The following ACAP2 variants were observed in gnomAD, a reference collection of about 807,000 sequenced individuals.
ACAP2 encodes the protein ArfGAP with coiled-coil, ankyrin repeat and PH domains 2.
Under a neutral mutation model 115.8 loss-of-function variants are expected in ACAP2, and 39 were observed. That is an observed-to-expected ratio of 0.34 (90% confidence interval 0.26 to 0.44). The LOEUF is 0.44. Ranked by LOEUF, ACAP2 falls within the 20% of genes least tolerant of loss-of-function variation. ACAP2 has a pLI of 1.00. For missense variants in ACAP2, 662 were observed against 927.6 expected, an observed-to-expected ratio of 0.71 and a Z score of 3.72; for synonymous variants, 289 against 315.8, an observed-to-expected ratio of 0.92 and a Z score of 0.90.
intron 2 of ACAP2, among the ~76,000 whole-genome samples, chr3:195,388,025 C>A (rs926341181): frequency 1.3e-5 from 2 of 152,206 alleles, no homozygotes; most frequent in African/African-American, 4.8e-5. Context: ...TCAAACCCAG[C>A]AGCAGCTCCA....
chr3:195,295,192 T>C (rs1190046617), intron 17 of ACAP2: 1 of 1,274,390 alleles, frequency 7.8e-7, no homozygotes, highest in Non-Finnish European at 1.0e-6. Context: ...AGAGTAGTAC[T>C]TACTACTACG....
At chr3:195,404,093 C>T (rs1235140260) in intron 1 of ACAP2, among the ~76,000 whole-genome samples, 1 of 152,126 alleles carries the variant, frequency 6.6e-6, no homozygotes, top group East Asian at 1.9e-4. Context: ...ATAATCCCAG[C>T]TCTTTGGAAG....
rs932825754 is a variant in ACAP2, at chr3:195,284,904, CTCT to C, written c.2236+889_2236+891del. 3.9e-5 allele frequency among the ~76,000 whole-genome samples: 6 copies of C among 152,164 alleles called. No homozygotes were observed. In the East Asian group the frequency reaches 9.6e-4, roughly 24 times the overall value. On this transcript the variant is annotated intron_variant, in intron 22 of 22. Transcript: ENST00000326793. ...TGAAACAAGAAAACCAATAATTACT[CTCT>C]TCTTTGTGAAGAACGTCTAATCAAC...
intron 8 of ACAP2, among the ~76,000 whole-genome samples, chr3:195,328,128 T>A (rs1160929825): frequency 6.6e-6 from 1 of 152,122 alleles, no homozygotes; most frequent in Non-Finnish European, 1.5e-5. Context: ...TATGTGGGTT[T>A]CATTGTCTAG....
intron 4 of ACAP2, among the ~76,000 whole-genome samples, chr3:195,373,244 A>C (rs1229531079): frequency 6.6e-6 from 1 of 151,908 alleles, no homozygotes; most frequent in Non-Finnish European, 1.5e-5. Flanking sequence ...AAAAATAAAA[A>C]ATTTATTTGG....
At chr3:195,317,187 C>T (rs1729152325) in intron 10 of ACAP2, among the ~76,000 whole-genome samples, 1 of 151,930 alleles carries the variant, frequency 6.6e-6, no homozygotes, top group South Asian at 2.1e-4. Context: ...CGTGAGCCAC[C>T]GTGCCCACCC....
intron 17 of ACAP2, chr3:195,295,410 G>T: frequency 1.7e-6 from 1 of 583,200 alleles, no homozygotes; most frequent in Non-Finnish European, 2.8e-6. Context: ...AAGGAAATCA[G>T]GTAGTTAATC....
At chr3:195,348,028 AG>A (rs1731297883) in intron 4 of ACAP2, among the ~76,000 whole-genome samples, 1 of 147,826 alleles carries the variant, frequency 6.8e-6, no homozygotes, top group Non-Finnish European at 1.5e-5. Context: ...AAAGAAAAGA[AG>A]AAAAGAAAAG....
intron 21 of ACAP2, among the ~76,000 whole-genome samples, chr3:195,288,635 A>C (rs571210203): frequency 2.3e-4 from 35 of 152,142 alleles, no homozygotes; most frequent in African/African-American, 7.9e-4. Context: ...AGGCGGGTGG[A>C]TCACCTGAGG....
At chr3:195,439,456 G>C (rs544705850) in intron 1 of ACAP2, among the ~76,000 whole-genome samples, 17 of 152,028 alleles carry the variant, frequency 1.1e-4, no homozygotes, top group African/African-American at 4.1e-4. Context: ...TGGGATTACA[G>C]GCATGAACCA....
intron 1 of ACAP2, among the ~76,000 whole-genome samples, chr3:195,428,327 GGT>G (rs1198340981): frequency 4.4e-5 from 6 of 136,860 alleles, no homozygotes; most frequent in African/African-American, 1.1e-4. Context: ...CATATATATA[GGT>G]GTGTGTGTAT....
In ACAP2 at chr3:195,381,861, C is replaced by CT. The variant is rs749569151; in HGVS notation, c.231+41dup. The CT allele has an allele frequency of 3.6e-3, 4,833 of 1,352,326 alleles. 1 individual carries two copies. Among genetic ancestry groups the CT allele is most frequent in the African/African-American group, 5.3e-3 (353 of 66,154 alleles). 83.8% of individuals were successfully genotyped at this position (1,352,326 alleles called of 1,614,324 possible). A position where few individuals can be genotyped will look rare whatever the true frequency, so the allele number is the denominator to read the frequency against. Reference sequence around the variant, plus strand: ...TGCACAATTCTTTAATGTCTTATTGCTTTTTTTTTTCATTTTTAACTGCAA... The same window carrying CT: ...TGCACAATTCTTTAATGTCTTATTGCTTTTTTTTTTTCATTTTTAACTGCAA... On this transcript the variant is annotated intron_variant, in intron 3 of 22. Coordinates refer to ENST00000326793, the MANE Select transcript of ACAP2 (RefSeq NM_012287.6).
Position 195,289,185 on chromosome 3 carries a change from C to T in ACAP2, c.2110G>A (p.Asp704Asn). 1 of 1,613,568 alleles carries T rather than the reference C, an allele frequency of 6.2e-7. No homozygotes were observed. The highest frequency in any genetic ancestry group is 8.5e-7 in the Non-Finnish European group (1 of 1,179,876). The change falls in exon 21 of 23, where the codon GAT becomes AAT. Residue 704 changes from aspartate to asparagine, a missense_variant. Transcript: ENST00000326793. The stretch of plus-strand genomic sequence containing the variant: ...CTCAAAGGGTCTTTCCCTTCTTCAT[C>T]AGTGGCATGTTGATTGGCACCTCGT... ...LKRGANQHAT[D>N]EEGKDPLSIA...
intron 22 of ACAP2, among the ~76,000 whole-genome samples, chr3:195,280,298 C>T (rs1443673682): frequency 1.3e-5 from 2 of 152,006 alleles, no homozygotes; most frequent in Admixed American, 6.6e-5. Flanking sequence ...ATGATGAAAC[C>T]CTGTCTCTAC....
intron 4 of ACAP2, among the ~76,000 whole-genome samples, chr3:195,378,335 A>G (rs1385378201): frequency 6.6e-6 from 1 of 152,108 alleles, no homozygotes; most frequent in East Asian, 1.9e-4. Flanking sequence ...TACTAAAAAT[A>G]CAAAAAATTA....
intron 4 of ACAP2, among the ~76,000 whole-genome samples, chr3:195,378,039 G>A (rs533864409): frequency 1.0e-4 from 15 of 146,984 alleles, no homozygotes; most frequent in South Asian, 2.3e-4. Context: ...TCAAGTATAA[G>A]GAATAGTGAA....
chr3:195,305,223 C>G (rs1346965052), intron 13 of ACAP2, among the ~76,000 whole-genome samples: 1 of 152,026 alleles, frequency 6.6e-6, no homozygotes, highest in Non-Finnish European at 1.5e-5. Context: ...GAAGATTTCC[C>G]AGAAAGTAGA....
chr3:195,328,106 T>C (rs544822470), intron 8 of ACAP2, among the ~76,000 whole-genome samples: 2 of 152,254 alleles, frequency 1.3e-5, no homozygotes, highest in South Asian at 2.1e-4. Context: ...AATTGGGTTA[T>C]ACATTATTAA....
rs1296390993 is a variant in ACAP2, at chr3:195,276,659, A to G, written c.*2669T>C. The G allele has an allele frequency of 6.6e-6, 1 of 152,262 alleles. No homozygotes were observed. The highest frequency in any genetic ancestry group is 6.5e-5 in the Admixed American group (1 of 15,286). The allele number at this position is 152,262 out of a possible 1,614,324, so 9.4% of individuals were successfully genotyped here. ...TTGACTAATGAAGCCCAAAAGCATG[A>G]TTAACTAAGATTTCTTATAATGCAC... On this transcript the variant is annotated 3_prime_UTR_variant, in exon 23 of 23. Transcript: ENST00000326793.
Sources: allele counts gnomAD v4.1 joint callset (sites outside exome capture counted in the v4.1 genomes callset), GRCh38; gene constraint gnomAD v4.1.1; transcripts MANE v1.5; gene names NCBI Gene and HGNC (gene_info 2026-07-23, HGNC 2026-07-21).